The following CORO2A variants were observed in gnomAD, a reference collection of about 807,000 sequenced individuals.
CORO2A encodes coronin 2A, also known as coronin-2A.
CORO2A carries 47 observed loss-of-function variants against 62.4 expected under a neutral mutation model. The ratio of observed to expected loss-of-function variants is 0.75; its 90% CI spans 0.60 to 0.96. The LOEUF (loss-of-function observed/expected upper bound fraction) is 0.96, where lower values mean the gene tolerates loss of function less well. CORO2A is among the 40% of genes least tolerant of loss of function. The pLI is 0.00. For missense variants in CORO2A, 610 were observed against 684.1 expected (o/e 0.89, Z 1.21); for synonymous variants, 273 against 268.9 (o/e 1.02, Z -0.15).
At chr9:98,145,822 C>G (rs1390617640) in intron 2 of CORO2A, among the ~76,000 whole-genome samples, 1 of 152,170 alleles carries the variant, frequency 6.6e-6, no homozygotes, top group Non-Finnish European at 1.5e-5. Flanking sequence ...AAGTGATTCT[C>G]CTGCCTCAGC....
intron 2 of CORO2A, among the ~76,000 whole-genome samples, chr9:98,149,784 C>T (rs1265709174): frequency 2.0e-5 from 3 of 152,328 alleles, no homozygotes; most frequent in East Asian, 1.9e-4. Flanking sequence ...TGTATCACAG[C>T]TCCTGTTGGA....
At chr9:98,143,716 C>T (rs943123971) in intron 2 of CORO2A, among the ~76,000 whole-genome samples, 3 of 152,100 alleles carry the variant, frequency 2.0e-5, no homozygotes, top group Non-Finnish European at 2.9e-5. Flanking sequence ...TATTGTTGCT[C>T]AGTATGTTTC....
In CORO2A at chr9:98,126,751, A is replaced by G. The variant is rs1017609303; in HGVS notation, c.1244T>C (p.Ile415Thr). The change falls in exon 11 of 12, where the codon ATC (isoleucine) becomes ACC (threonine). Residue 415 changes from isoleucine to threonine, a missense_variant. Transcript: ENST00000375077. ...RPHPLPAERP[I>T]FNSMAPASPR... ...TGAGGCTGGGGCCATGGAATTGAAG[A>G]TAGGTCTCTCTGCAGGCAGTGGGTG... 6.2e-7 allele frequency: 1 copy of G among 1,614,074 alleles called. No individual in the cohort carries two copies. Among genetic ancestry groups the G allele is most frequent in the Non-Finnish European group, 8.5e-7 (1 of 1,180,046 alleles).
intron 1 of CORO2A, among the ~76,000 whole-genome samples, chr9:98,164,639 T>C (rs1827934513): frequency 6.6e-6 from 1 of 152,228 alleles, no homozygotes; most frequent in African/African-American, 2.4e-5. Flanking sequence ...CAGACCCTGG[T>C]TTAAACCACC....
chr9:98,157,460 C>T lies in CORO2A; in HGVS notation c.201G>A (p.Gln67=). 1 of 1,614,126 alleles carries T rather than the reference C, an allele frequency of 6.2e-7. No homozygotes were observed. Among genetic ancestry groups the T allele is most frequent in the African/African-American group, 1.3e-5 (1 of 75,066 alleles). Residue 67 remains glutamine, a splice_region_variant and synonymous_variant, in exon 2 of 12, where the codon CAG becomes CAA. Transcript: ENST00000375077. ...GGAFLVIPLH[Q]TGKLDPHYPK... ...TGTTTGGGCCTGGGGGTGTCCTTAC[C>T]TGGTGCAGGGGGATGACGAGGAAGG...
intron 1 of CORO2A, among the ~76,000 whole-genome samples, chr9:98,162,238 C>T (rs950744327): frequency 6.6e-6 from 1 of 152,186 alleles, no homozygotes; most frequent in African/African-American, 2.4e-5. Context: ...AGACAATACC[C>T]ATGATGACAA....
intron 2 of CORO2A, among the ~76,000 whole-genome samples, chr9:98,140,541 C>A (rs1827551719): frequency 6.6e-6 from 1 of 151,814 alleles, no homozygotes; most frequent in Admixed American, 6.6e-5. Context: ...CGGGGTAAGA[C>A]AATCTTCCCA....
intron 1 of CORO2A, among the ~76,000 whole-genome samples, chr9:98,171,742 C>T (rs1320458792): frequency 6.6e-6 from 1 of 151,800 alleles, no homozygotes; most frequent in African/African-American, 2.4e-5. Context: ...GGAGATGGAG[C>T]CAGGAGCTTG....
chr9:98,161,391 T>A (rs1422984612), intron 1 of CORO2A, among the ~76,000 whole-genome samples: 2 of 152,054 alleles, frequency 1.3e-5, no homozygotes, highest in Non-Finnish European at 2.9e-5. Context: ...CCGTCTCTAC[T>A]GAAAATACAA....
chr9:98,189,872 G>T (rs933076246), intron 1 of CORO2A, among the ~76,000 whole-genome samples: 2 of 142,706 alleles, frequency 1.4e-5, no homozygotes, highest in East Asian at 4.0e-4. Flanking sequence ...TTCTTCACTA[G>T]ACGGCAACTC....
Position 98,133,035 on chromosome 9 carries a change from G to T in CORO2A, c.648+3C>A. 6.2e-7 allele frequency: 1 copy of T among 1,614,100 alleles called. No homozygotes were observed. The highest frequency in any genetic ancestry group is 8.5e-7 in the Non-Finnish European group (1 of 1,179,988). ...CTGAGCCAGCCCCTGGCCCAGAACT[G>T]ACCTGGAGGACGGTCCCTGCTCGGG... On this transcript the variant is annotated splice_donor_region_variant and intron_variant, in intron 5 of 11. Coordinates refer to ENST00000375077, the MANE Select transcript of CORO2A (RefSeq NM_052820.4).
intron 1 of CORO2A, among the ~76,000 whole-genome samples, chr9:98,185,901 G>A (rs924640142): frequency 2.0e-5 from 3 of 152,226 alleles, no homozygotes; most frequent in African/African-American, 7.2e-5. Context: ...TGGCACCAGA[G>A]CCAGAAATAA....
intron 2 of CORO2A, among the ~76,000 whole-genome samples, chr9:98,148,997 G>A (rs1250272574): frequency 6.6e-6 from 1 of 152,140 alleles, no homozygotes; most frequent in African/African-American, 2.4e-5. Flanking sequence ...AGGAGGGAAT[G>A]GGGGTGGAGG....
At position 98,138,844 on chromosome 9, in the gene CORO2A, C is replaced by G. The variant is rs372739932; in HGVS notation, c.202-1156G>C. 6.1e-3 allele frequency among the ~76,000 whole-genome samples: 927 copies of G among 151,800 alleles called. 12 individuals are homozygous for G. Among genetic ancestry groups the G allele is most frequent in the African/African-American group, 0.021 (882 of 41,388 alleles). On this transcript the variant is annotated intron_variant, in intron 2 of 11. Transcript: ENST00000375077. ...CGGGTGGATCACGAGGTCAGGAGAT[C>G]GAGACCATCCTGGCCAACATGGTGA...
chr9:98,142,603 T>G (rs945456703), intron 2 of CORO2A, among the ~76,000 whole-genome samples: 1 of 152,226 alleles, frequency 6.6e-6, no homozygotes, highest in African/African-American at 2.4e-5. Flanking sequence ...GAGCCAATAG[T>G]CAGGCTGCCC....
intron 1 of CORO2A, among the ~76,000 whole-genome samples, chr9:98,165,264 G>C (rs901435465): frequency 6.6e-6 from 1 of 152,152 alleles, no homozygotes; most frequent in Non-Finnish European, 1.5e-5. Flanking sequence ...TGGCTTACAC[G>C]TAACAATTCT....
chr9:98,171,554 T>C (rs1326046499), intron 1 of CORO2A, among the ~76,000 whole-genome samples: 1 of 152,148 alleles, frequency 6.6e-6, no homozygotes, highest in Non-Finnish European at 1.5e-5. Flanking sequence ...TCATCAGGGC[T>C]AAAGCCAGCG....
In CORO2A at chr9:98,132,337, G is replaced by C. The variant is rs58907201; in HGVS notation, c.649-36C>G. The C allele has an allele frequency of 3.6e-3, 5,592 of 1,569,922 alleles. 130 individuals carry two copies. The African/African-American group carries it at 0.06, about 17-fold the overall frequency. The stretch of plus-strand genomic sequence containing the variant: ...ACGTGCGGTCGGTATTGGAGAGACA[G>C]TAGAGGATCGGGGGCAGCTGGGGTT... On this transcript the variant is annotated intron_variant, in intron 5 of 11. Coordinates refer to ENST00000375077, the MANE Select transcript of CORO2A (RefSeq NM_052820.4).
chr9:98,154,708 A>G (rs1827779875), intron 2 of CORO2A, among the ~76,000 whole-genome samples: 1 of 152,176 alleles, frequency 6.6e-6, no homozygotes, highest in South Asian at 2.1e-4. Context: ...ATAGTTTAAA[A>G]TTTGTTTGGC....
Sources: gnomAD v4.1 joint callset for allele counts (sites outside exome capture counted in the v4.1 genomes callset) on GRCh38, gnomAD v4.1.1 for gene constraint, MANE v1.5 for transcripts, NCBI Gene and HGNC (gene_info 2026-07-23, HGNC 2026-07-21) for gene names.